TFDP2: variants seen among roughly 807,000 people sequenced by gnomAD.
The protein encoded by TFDP2 is transcription factor Dp-2, also known as transcription factor Dp-2 (E2F dimerization partner 2).
A neutral mutation model predicts 59.3 loss-of-function variants in TFDP2; 17 were observed. That is an observed-to-expected ratio of 0.29 (90% CI 0.20 to 0.43). The LOEUF is 0.43. Ranked by LOEUF, TFDP2 falls within the 20% of genes least tolerant of loss-of-function variation. The probability of loss-of-function intolerance (pLI) is 1.00; values close to 1 mark genes in which losing one functional copy is unlikely to be tolerated. For synonymous variants in TFDP2, 180 were observed against 194.7 expected, an observed-to-expected ratio of 0.92 and a Z score of 0.63; for missense variants, 391 against 528.8, an observed-to-expected ratio of 0.74 and a Z score of 2.56.
At chr3:142,059,150 A>T (rs1434383517) in intron 3 of TFDP2, among the ~76,000 whole-genome samples, 1 of 152,264 alleles carries the variant, frequency 6.6e-6, no homozygotes, top group Admixed American at 6.5e-5. Context: ...TATGGTAATC[A>T]GTAGCAGTCA....
chr3:142,067,240 A>G (rs2060102410), intron 3 of TFDP2, among the ~76,000 whole-genome samples: 1 of 151,956 alleles, frequency 6.6e-6, no homozygotes, highest in Non-Finnish European at 1.5e-5. Context: ...ACAATCAAAA[A>G]CTCTCCTGCA....
rs551938343 is a variant in TFDP2 at position 142,065,573 on chromosome 3, G to A, written c.82+27488C>T. On this transcript the variant is annotated intron_variant, in intron 3 of 12. Transcript: ENST00000489671. ...GTCGCCTAGGCTGGAGCAGGGTGGC[G>A]CAATCTCGGCTCACTGCAACCTCTG... Among the ~76,000 whole-genome samples, 5 of 151,868 alleles carry A rather than the reference G, an allele frequency of 3.3e-5. No individual in the cohort carries two copies. In the East Asian group the frequency reaches 5.8e-4, roughly 18 times the overall value.
intron 3 of TFDP2, among the ~76,000 whole-genome samples, chr3:142,020,997 A>G (rs917133061): frequency 3.4e-5 from 5 of 148,232 alleles, no homozygotes; most frequent in African/African-American, 1.2e-4. Context: ...AAAAAAAAAA[A>G]TAGTTTTCAC....
chr3:142,126,356 T>G (rs1295104624), intron 1 of TFDP2: 1 of 152,040 alleles, frequency 6.6e-6, no homozygotes, highest in Non-Finnish European at 1.5e-5. Context: ...AACACAGTTT[T>G]TTTAAAAGCC....
In TFDP2 at chr3:141,952,059, A is replaced by T. The variant is rs982520537; in HGVS notation, c.*454T>A. On this transcript the variant is annotated 3_prime_UTR_variant, in exon 13 of 13. Coordinates refer to ENST00000489671, the MANE Select transcript of TFDP2 (RefSeq NM_001178139.2). ...ACTACACAGCTCCCCTCTCCTGGGG[A>T]CTTTTCATGTTCATTTCTGCCTTGT... 1.1e-4 allele frequency: 17 copies of T among 153,468 alleles called. No homozygotes were observed. The highest frequency in any genetic ancestry group is 4.1e-4 in the African/African-American group (17 of 41,406). The allele number at this position is 153,468 out of a possible 1,614,324, so 9.5% of individuals were successfully genotyped here. A position where few individuals can be genotyped will look rare whatever the true frequency, so the allele number is the denominator to read the frequency against.
At position 142,149,169 on chromosome 3, in the gene TFDP2, G is replaced by T. The variant is rs938630959; in HGVS notation, c.-93+14C>A. ...CCTCCGCGCGCGGGCCCGCGCCCTCGCCCCAGACCTTACCGCCTTCGGCTG... is the reference window on the plus strand; with the variant it reads ...CCTCCGCGCGCGGGCCCGCGCCCTCTCCCCAGACCTTACCGCCTTCGGCTG... On this transcript the variant is annotated intron_variant, in intron 1 of 12. Coordinates refer to ENST00000489671, the MANE Select transcript of TFDP2 (RefSeq NM_001178139.2). The T allele has an allele frequency of 5.0e-6, 2 of 397,758 alleles. No individual in the cohort carries two copies. Among genetic ancestry groups the T allele is most frequent in the African/African-American group, 4.1e-5 (2 of 48,676 alleles). 24.6% of individuals were successfully genotyped at this position (397,758 alleles called of 1,614,324 possible). A position where few individuals can be genotyped will look rare whatever the true frequency, so the allele number is the denominator to read the frequency against.
intron 3 of TFDP2, among the ~76,000 whole-genome samples, chr3:142,060,744 T>C (rs1405072879): frequency 1.3e-5 from 2 of 152,206 alleles, no homozygotes; most frequent in Non-Finnish European, 2.9e-5. Flanking sequence ...AAGGTATCAG[T>C]GGATAAAACA....
intron 9 of TFDP2, among the ~76,000 whole-genome samples, chr3:141,968,585 CAT>C (rs375064597): frequency 2.8e-5 from 2 of 72,562 alleles, no homozygotes; most frequent in African/African-American, 1.1e-4. Flanking sequence ...ATATATATCT[CAT>C]ATATAGATAT....
chr3:142,042,235 A>G (rs1359159825), intron 3 of TFDP2, among the ~76,000 whole-genome samples: 8 of 151,608 alleles, frequency 5.3e-5, no homozygotes, highest in Non-Finnish European at 1.5e-5. Flanking sequence ...ACTATCGCTT[A>G]TTGTCTTTTG....
chr3:142,136,265 A>G (rs1264344587), intron 1 of TFDP2, among the ~76,000 whole-genome samples: 2 of 151,688 alleles, frequency 1.3e-5, no homozygotes, highest in Middle Eastern at 3.4e-3. Flanking sequence ...TTCTTCTTGT[A>G]AATTTGTTTG....
chr3:142,029,959 G>C (rs1177474433), intron 3 of TFDP2, among the ~76,000 whole-genome samples: 1 of 152,176 alleles, frequency 6.6e-6, no homozygotes, highest in African/African-American at 2.4e-5. Context: ...TCGTTGACTA[G>C]TTATCACCTA....
rs147484532 is a variant in TFDP2, at chr3:141,975,565, A to G, written c.520-1374T>C. On this transcript the variant is annotated intron_variant, in intron 7 of 12. Coordinates refer to ENST00000489671, the MANE Select transcript of TFDP2 (RefSeq NM_001178139.2). Reference sequence around the variant, plus strand: ...AAAACTTAACTGGGCGTGGTGGCGCATGACTGTAATGCCAGCTACTCAGGA... The same window carrying G: ...AAAACTTAACTGGGCGTGGTGGCGCGTGACTGTAATGCCAGCTACTCAGGA... 9.0e-4 allele frequency among the ~76,000 whole-genome samples: 137 copies of G among 152,046 alleles called. 1 individual carries two copies. Among genetic ancestry groups the G allele is most frequent in the African/African-American group, 3.2e-3 (134 of 41,502 alleles).
chr3:142,088,610 T>C (rs1332304994), intron 3 of TFDP2, among the ~76,000 whole-genome samples: 1 of 138,130 alleles, frequency 7.2e-6, no homozygotes, highest in Non-Finnish European at 1.5e-5. Context: ...TCTTTTTTTT[T>C]TTCTTTTTTT....
chr3:141,962,744 G>A (rs918349616), intron 10 of TFDP2, among the ~76,000 whole-genome samples: 2 of 152,342 alleles, frequency 1.3e-5, no homozygotes, highest in East Asian at 1.9e-4. Flanking sequence ...GCGCAAGAGC[G>A]CCAGGAAGAA....
intron 1 of TFDP2, among the ~76,000 whole-genome samples, chr3:142,136,071 CCTGA>C (rs1222853553): frequency 1.3e-5 from 2 of 151,984 alleles, no homozygotes; most frequent in African/African-American, 4.8e-5. Context: ...CACGTTGTTT[CCTGA>C]CTTTTTAATT....
intron 3 of TFDP2, among the ~76,000 whole-genome samples, chr3:142,011,947 T>C (rs1944742308): frequency 6.6e-6 from 1 of 152,128 alleles, no homozygotes; most frequent in Non-Finnish European, 1.5e-5. Context: ...AACTGACCCT[T>C]GTTAGAATAC....
rs921566199 is a variant in TFDP2 at position 141,960,057 on chromosome 3, G to T, written c.885-217C>A. On this transcript the variant is annotated intron_variant, in intron 10 of 12. Transcript: ENST00000489671. ...TTAAAACAACATTCCTCTGACAGAT[G>T]ATAGAAACCCACAAACTTTAGCCCT... Among the ~76,000 whole-genome samples the T allele has an allele frequency of 3.3e-5, 5 of 152,276 alleles. No individual in the cohort carries two copies. The South Asian group carries it at 8.3e-4, about 25-fold the overall frequency.
intron 1 of TFDP2, among the ~76,000 whole-genome samples, chr3:142,103,486 G>C (rs549807148): frequency 2.6e-5 from 4 of 152,148 alleles, no homozygotes; most frequent in African/African-American, 9.6e-5. Flanking sequence ...AAAAACTATG[G>C]AGTTTTCTAT....
At chr3:142,034,090 C>CTTT (rs34769821) in intron 3 of TFDP2, among the ~76,000 whole-genome samples, 3 of 93,764 alleles carry the variant, frequency 3.2e-5, no homozygotes, top group Non-Finnish European at 4.2e-5. Context: ...TTTGCACCAA[C>CTTT]TTTTTTTTTT....
Sources: allele counts gnomAD v4.1 joint callset (sites outside exome capture counted in the v4.1 genomes callset), GRCh38; gene constraint gnomAD v4.1.1; transcripts MANE v1.5; gene names NCBI Gene and HGNC (gene_info 2026-07-23, HGNC 2026-07-21).